USP16: variants seen among roughly 807,000 people sequenced by gnomAD.
USP16 encodes ubiquitin carboxyl-terminal hydrolase 16.
Under a neutral mutation model 95.9 loss-of-function variants are expected in USP16, and 77 were observed. The observed-to-expected ratio is 0.80, with a 90% CI of 0.67 to 0.97. USP16 has a LOEUF of 0.97. Among genes scored for constraint, USP16 ranks in the 50% least tolerant of loss-of-function variants. The probability of loss-of-function intolerance (pLI) is 0.00; values close to 1 mark genes in which losing one functional copy is unlikely to be tolerated. For synonymous variants in USP16, 303 were observed against 318.2 expected, an observed-to-expected ratio of 0.95 and a Z score of 0.51; for missense variants, 943 against 959.9, an observed-to-expected ratio of 0.98 and a Z score of 0.23.
intron 13 of USP16, among the ~76,000 whole-genome samples, chr21:29,044,729 G>A (rs762226368): frequency 3.0e-4 from 46 of 152,270 alleles, no homozygotes; most frequent in Admixed American, 5.2e-4. Flanking sequence ...TTACAGATGT[G>A]AGACACCGTG....
intron 14 of USP16, among the ~76,000 whole-genome samples, chr21:29,047,995 A>G (rs1295108232): frequency 6.6e-6 from 1 of 151,370 alleles, no homozygotes; most frequent in Non-Finnish European, 1.5e-5. Flanking sequence ...CTCAGAGACT[A>G]TACAAAAATA....
chr21:29,031,700 A>G (rs901577937), intron 3 of USP16, among the ~76,000 whole-genome samples: 8 of 152,214 alleles, frequency 5.3e-5, no homozygotes, highest in Non-Finnish European at 1.0e-4. Flanking sequence ...GGCTCCCTCA[A>G]AGTGCTAGGA....
intron 13 of USP16, among the ~76,000 whole-genome samples, chr21:29,045,499 C>CT (rs2146389958): frequency 6.6e-6 from 1 of 152,224 alleles, no homozygotes; most frequent in East Asian, 1.9e-4. Context: ...TCCCAGAATA[C>CT]TTTTGTCCAT....
At chr21:29,042,388 C>A in intron 11 of USP16, 84 bp from the exon 12 acceptor site, 1 of 1,329,082 alleles carries the variant, frequency 7.5e-7, no homozygotes, top group Non-Finnish European at 1.0e-6. Context: ...ATCCCCTACT[C>A]CCCATCCCAC....
At chr21:29,053,997 C>A (rs755574170) in intron 17 of USP16, 39 bp downstream of exon 17, 2 of 1,612,966 alleles carry the variant, frequency 1.2e-6, no homozygotes, top group Admixed American at 3.3e-5. Flanking sequence ...CAGCAGATTA[C>A]GGCAAAACCA....
At chr21:29,030,464 G>A (rs559557411) in intron 2 of USP16, 131 bp from the exon 3 acceptor site, 1 of 757,668 alleles carries the variant, frequency 1.3e-6, no homozygotes, top group African/African-American at 1.8e-5. Context: ...ACAATTTTAA[G>A]TTCAGAATAT....
chr21:29,049,463 T>A (rs1049428284), intron 15 of USP16, among the ~76,000 whole-genome samples: 1 of 152,204 alleles, frequency 6.6e-6, no homozygotes, highest in Admixed American at 6.5e-5. Flanking sequence ...CAGAAAAGTA[T>A]TATGCTATCG....
intron 3 of USP16, among the ~76,000 whole-genome samples, 177 bp downstream of exon 3, chr21:29,030,950 C>A (rs1306184137): frequency 6.6e-6 from 1 of 152,136 alleles, no homozygotes; most frequent in Non-Finnish European, 1.5e-5. Context: ...TGGTACCACA[C>A]CAGTAAAAGT....
At position 29,047,088 on chromosome 21, in the gene USP16, A is replaced by G. The variant is rs2085337473; in HGVS notation, c.1778A>G (p.Glu593Gly). The change falls in exon 14 of 18, where the codon GAG becomes GGG. Residue 593 changes from glutamate (E) to glycine (G), a missense_variant. Physicochemically the swap from Glu to Gly is moderately conservative, Grantham distance 98 (BLOSUM62 -2). Coordinates refer to ENST00000399976, the MANE Select transcript of USP16 (RefSeq NM_006447.3). ...AALHPDEINI[E>G]ILNDSHTPGT... ...CTTCATCCTGATGAAATAAATATAGAGATTCTGAATGATAGTCATACTCCT... is the reference window on the plus strand; with the variant it reads ...CTTCATCCTGATGAAATAAATATAGGGATTCTGAATGATAGTCATACTCCT... The G allele has an allele frequency of 1.2e-6, 2 of 1,614,064 alleles. No homozygotes were observed. Among genetic ancestry groups the G allele is most frequent in the Non-Finnish European group, 1.7e-6 (2 of 1,180,016 alleles).
chr21:29,054,330 G>A lies in USP16; in HGVS notation c.*143G>A. The A allele has an allele frequency of 9.4e-7, 1 of 1,068,756 alleles. No individual in the cohort carries two copies. The highest frequency in any genetic ancestry group is 3.0e-5 in the Admixed American group (1 of 33,854). 66.2% of individuals were successfully genotyped at this position (1,068,756 alleles called of 1,614,324 possible). ...AATCATGTTTATTTAAATATTGAAG[G>A]GAAAAATACCTAAAAATGTACAAAG... On this transcript the variant is annotated 3_prime_UTR_variant, in exon 18 of 18. Coordinates refer to ENST00000399976, the MANE Select transcript of USP16 (RefSeq NM_006447.3).
At chr21:29,049,358 C>T (rs1219796155) in intron 15 of USP16, among the ~76,000 whole-genome samples, 1 of 152,086 alleles carries the variant, frequency 6.6e-6, no homozygotes, top group Non-Finnish European at 1.5e-5. Flanking sequence ...AACGTTTTGC[C>T]TCTTGTGGTT....
At chr21:29,044,447 C>CTTT (rs5843364) in intron 13 of USP16, among the ~76,000 whole-genome samples, 4 of 120,594 alleles carry the variant, frequency 3.3e-5, no homozygotes, top group Non-Finnish European at 6.9e-5. Flanking sequence ...CTTCTTCATT[C>CTTT]TTTTTTTTTT....
chr21:29,044,482 T>G (rs2085293786), intron 13 of USP16, among the ~76,000 whole-genome samples: 1 of 148,518 alleles, frequency 6.7e-6, no homozygotes, highest in African/African-American at 2.5e-5. Context: ...TGTCTCACTC[T>G]GTCGCCCAGG....
intron 15 of USP16, among the ~76,000 whole-genome samples, chr21:29,049,091 C>T (rs1004556343): frequency 1.1e-4 from 16 of 151,942 alleles, no homozygotes; most frequent in South Asian, 2.1e-4. Context: ...CTTTTTAGTA[C>T]GATTGGCATC....
At chr21:29,046,552 C>T in intron 13 of USP16, 115 bp from the exon 14 acceptor site, 3 of 1,112,662 alleles carry the variant, frequency 2.7e-6, no homozygotes, top group Non-Finnish European at 3.7e-6. Flanking sequence ...TGACAAGCAG[C>T]AAAACTGGAT....
intron 4 of USP16, among the ~76,000 whole-genome samples, chr21:29,035,915 C>T (rs2085148822): frequency 6.6e-6 from 1 of 151,804 alleles, no homozygotes; most frequent in Non-Finnish European, 1.5e-5. Flanking sequence ...GAGACTCCGT[C>T]TCAAAAAAAA....
At chr21:29,053,638 T>A in intron 16 of USP16, 164 bp from the exon 17 acceptor site, 2 of 633,966 alleles carry the variant, frequency 3.2e-6, no homozygotes, top group Non-Finnish European at 5.1e-6. Flanking sequence ...AACAGAAGTG[T>A]CTCAGGCTGA....
At chr21:29,026,137 G>A (rs904431040) in intron 1 of USP16, among the ~76,000 whole-genome samples, 12 of 152,126 alleles carry the variant, frequency 7.9e-5, no homozygotes, top group African/African-American at 2.9e-4. Context: ...AGGCGGGGAG[G>A]GTACAAAGTG....
intron 4 of USP16, among the ~76,000 whole-genome samples, chr21:29,035,398 C>T (rs1343949012): frequency 1.4e-5 from 2 of 147,342 alleles, no homozygotes; most frequent in Admixed American, 1.4e-4. Context: ...TTTTTTGAGA[C>T]GGAATCTTTC....
Sources: gnomAD v4.1 joint callset for allele counts (sites outside exome capture counted in the v4.1 genomes callset) on GRCh38, gnomAD v4.1.1 for gene constraint, MANE v1.5 for transcripts, NCBI Gene and HGNC (gene_info 2026-07-23, HGNC 2026-07-21) for gene names.